Variants in ARHGEF12 observed in about 807,000 individuals in gnomAD.
ARHGEF12 encodes the protein KMT2A/ARHGEF12 fusion protein.
A neutral mutation model predicts 211.2 loss-of-function variants in ARHGEF12; 66 were observed. The observed-to-expected ratio is 0.31, with a 90% CI of 0.26 to 0.38. The LOEUF (loss-of-function observed/expected upper bound fraction) is 0.38. Ranked by LOEUF, ARHGEF12 falls within the 10% of genes least tolerant of loss-of-function variation. The pLI, the probability that ARHGEF12 is intolerant of heterozygous loss-of-function variation, is 1.00. For missense variants in ARHGEF12, 1,429 were observed against 1,869.5 expected (o/e 0.76, Z 4.34); for synonymous variants, 592 against 638.4 (o/e 0.93, Z 1.09).
chr11:120,461,301 G>T (rs976867838), intron 27 of ARHGEF12, among the ~76,000 whole-genome samples: 4 of 152,148 alleles, frequency 2.6e-5, no homozygotes, highest in African/African-American at 9.7e-5. Context: ...AATGGATATT[G>T]TGTTAGCAGG....
At chr11:120,411,470 C>T (rs907874354) in intron 4 of ARHGEF12, 1 of 150,870 alleles carries the variant, frequency 6.6e-6, no homozygotes, top group Non-Finnish European at 1.5e-5. Flanking sequence ...TATTATAAGC[C>T]CACTTCAAAC....
At chr11:120,347,167 C>T (rs375080781) in intron 1 of ARHGEF12, among the ~76,000 whole-genome samples, 26,366 of 62,390 alleles carry the variant, frequency 0.42, 3,987 homozygotes, top group African/African-American at 0.49. Flanking sequence ...TTCCTTCCTT[C>T]CTTCCTTCCT....
intron 11 of ARHGEF12, 99 bp downstream of exon 11, chr11:120,432,010 C>T (rs1945557494): frequency 8.9e-7 from 1 of 1,123,868 alleles, no homozygotes; most frequent in Non-Finnish European, 1.2e-6. Flanking sequence ...GGTGTCTTAG[C>T]ACTTTTTACC....
At chr11:120,352,434 C>G (rs1943010617) in intron 1 of ARHGEF12, among the ~76,000 whole-genome samples, 2 of 152,112 alleles carry the variant, frequency 1.3e-5, no homozygotes, top group Admixed American at 1.3e-4. Flanking sequence ...AGTTGGGTTG[C>G]AGTTTTTTCT....
At chr11:120,441,957 T>C in intron 14 of ARHGEF12, 140 bp downstream of exon 14, 1 of 924,102 alleles carries the variant, frequency 1.1e-6, no homozygotes. Context: ...AATTAAAACA[T>C]TATTTTTAAA....
chr11:120,440,168 G>A lies in ARHGEF12; in HGVS notation c.1039G>A (p.Ala347Thr). The change falls in exon 13 of 41, where the codon GCA becomes ACA. Residue 347 changes from alanine (A) to threonine (T), a missense_variant. By Grantham distance (58) the Ala-to-Thr change is moderately conservative. This residue lies in a region of ARHGEF12 where 254 missense variants were observed against 286.4 expected (regional missense o/e 0.89). Coordinates refer to ENST00000397843, the MANE Select transcript of ARHGEF12 (RefSeq NM_015313.3). The stretch of plus-strand genomic sequence containing the variant: ...TGTCGGAAGTCCCTCAACCCGTATA[G>A]CACCTCATATTATTGGAGCAGAAGA... ...SLVGSPSTRIAPHIIGAEDDD... is the reference protein window; with the variant it reads ...SLVGSPSTRITPHIIGAEDDD... 1 of 1,613,892 alleles carries A rather than the reference G, an allele frequency of 6.2e-7. No individual in the cohort carries two copies. The highest frequency in any genetic ancestry group is 1.3e-5 in the African/African-American group (1 of 75,016).
intron 27 of ARHGEF12, chr11:120,464,041 C>T (rs1024964179): frequency 1.3e-5 from 2 of 152,152 alleles, no homozygotes; most frequent in African/African-American, 4.8e-5. Context: ...AATTAAAAAA[C>T]ATTAGTGAGA....
At chr11:120,473,949 TA>T (rs957121992) in intron 31 of ARHGEF12, among the ~76,000 whole-genome samples, 5 of 152,336 alleles carry the variant, frequency 3.3e-5, no homozygotes, top group African/African-American at 1.2e-4. Context: ...TGGTGGCTGT[TA>T]AAATAGACTT....
Position 120,413,351 on chromosome 11 carries a change from G to A in ARHGEF12, c.199+3901G>A, listed in dbSNP as rs542193499. 4.3e-4 allele frequency among the ~76,000 whole-genome samples: 66 copies of A among 152,184 alleles called. No individual in the cohort carries two copies. In the South Asian group the frequency reaches 0.013, roughly 31 times the overall value. ...GTTTCTGAATGTTGACATCTGTTTT[G>A]TATTTAATTACTTATATTTATGTTT... On this transcript the variant is annotated intron_variant, in intron 4 of 40. Coordinates refer to ENST00000397843, the MANE Select transcript of ARHGEF12 (RefSeq NM_015313.3).
chr11:120,450,445 C>G (rs1946176017), intron 21 of ARHGEF12: 1 of 151,848 alleles, frequency 6.6e-6, no homozygotes, highest in Non-Finnish European at 1.5e-5. Flanking sequence ...TGAGTGTCCC[C>G]CACAATGACG....
At chr11:120,386,415 G>A (rs1464303753) in intron 1 of ARHGEF12, among the ~76,000 whole-genome samples, 1 of 152,146 alleles carries the variant, frequency 6.6e-6, no homozygotes, top group Non-Finnish European at 1.5e-5. Context: ...AGGAAAGACA[G>A]ACTGAAAACA....
chr11:120,451,412 C>G (rs1313675454), intron 21 of ARHGEF12, 100 bp from the exon 22 acceptor site: 2 of 1,060,616 alleles, frequency 1.9e-6, no homozygotes, highest in Non-Finnish European at 2.8e-6. Flanking sequence ...CTCCTGACCT[C>G]ATGATTCGCC....
intron 1 of ARHGEF12, among the ~76,000 whole-genome samples, chr11:120,362,053 T>C (rs1943293140): frequency 6.6e-6 from 1 of 152,214 alleles, no homozygotes; most frequent in Non-Finnish European, 1.5e-5. Flanking sequence ...TGAATGATAG[T>C]GCTAGAGATG....
At chr11:120,347,132 T>TTTCCTTCCTTCC (rs71050738) in intron 1 of ARHGEF12, among the ~76,000 whole-genome samples, 152 of 115,574 alleles carry the variant, frequency 1.3e-3, no homozygotes, top group South Asian at 2.8e-3. Flanking sequence ...TCTTTCTTTC[T>TTTCCTTCCTTCC]TTCCTTCCTT....
At chr11:120,433,685 G>A (rs576722665) in intron 11 of ARHGEF12, among the ~76,000 whole-genome samples, 2 of 152,318 alleles carry the variant, frequency 1.3e-5, no homozygotes, top group African/African-American at 4.8e-5. Context: ...GCTGGGCGCC[G>A]TGGATCACGC....
At chr11:120,347,216 C>CTT (rs1279431404) in intron 1 of ARHGEF12, among the ~76,000 whole-genome samples, 21 of 133,830 alleles carry the variant, frequency 1.6e-4, no homozygotes, top group African/African-American at 4.9e-4. Context: ...CTTTCTTTTT[C>CTT]TTTCTTTCTT....
chr11:120,396,341 CAG>C (rs1436461907), intron 1 of ARHGEF12, among the ~76,000 whole-genome samples: 4 of 152,144 alleles, frequency 2.6e-5, no homozygotes, highest in Non-Finnish European at 4.4e-5. Flanking sequence ...TTAATCCTCT[CAG>C]ATGCTAGTGT....
chr11:120,386,897 G>C (rs575823562), intron 1 of ARHGEF12, among the ~76,000 whole-genome samples: 1 of 152,192 alleles, frequency 6.6e-6, no homozygotes, highest in East Asian at 1.9e-4. Context: ...AAGTGATGAA[G>C]CCTGGGTCAG....
intron 17 of ARHGEF12, 32 bp from the exon 18 acceptor site, chr11:120,446,916 G>T (rs747659716): frequency 1.3e-5 from 21 of 1,601,236 alleles, no homozygotes; most frequent in East Asian, 6.7e-5. Context: ...TTTTCTTTAG[G>T]CTACCTCAGG....
Sources: gnomAD v4.1 joint callset for allele counts (sites outside exome capture counted in the v4.1 genomes callset) on GRCh38, gnomAD v4.1.1 for gene constraint, gnomAD v4.1.1 regional missense constraint, MANE v1.5 for transcripts, NCBI Gene and HGNC (gene_info 2026-07-23, HGNC 2026-07-21) for gene names.